The following GLYATL1 variants were observed in gnomAD, a reference collection of about 807,000 sequenced individuals.
The protein encoded by GLYATL1 is glycine-N-acyltransferase like 1.
A neutral mutation model predicts 20.0 loss-of-function variants in GLYATL1; 15 were observed. That is an observed-to-expected ratio of 0.75 (90% CI 0.50 to 1.15). The LOEUF (loss-of-function observed/expected upper bound fraction) is 1.15. Ranked by LOEUF, GLYATL1 falls within the 50% of genes most tolerant of loss-of-function variation. The probability of loss-of-function intolerance (pLI) is 0.00; values close to 1 mark genes in which losing one functional copy is unlikely to be tolerated. For missense variants in GLYATL1, 380 were observed against 368.5 expected, an observed-to-expected ratio of 1.03 and a Z score of -0.26; for synonymous variants, 151 against 131.5, an observed-to-expected ratio of 1.15 and a Z score of -1.01.
chr11:58,910,005 CAAT>C (rs1463006618), downstream of GLYATL1, among the ~76,000 whole-genome samples: 2 of 152,134 alleles, frequency 1.3e-5, no homozygotes, highest in Non-Finnish European at 2.9e-5. Context: ...TTTATTCTCC[CAAT>C]AATGAGTCTA....
At chr11:58,920,037 G>A (rs1005145331) in intron 1 of GLYATL1, among the ~76,000 whole-genome samples, 4 of 152,150 alleles carry the variant, frequency 2.6e-5, no homozygotes, top group African/African-American at 9.7e-5. Flanking sequence ...GGGTCTCCGG[G>A]AGGAGGATCT....
downstream of GLYATL1, among the ~76,000 whole-genome samples, chr11:58,909,197 T>C (rs138511663): frequency 2.6e-5 from 4 of 152,262 alleles, no homozygotes; most frequent in Admixed American, 6.5e-5. Flanking sequence ...AAATCTAAAA[T>C]TGTCAAACTC....
upstream of GLYATL1, among the ~76,000 whole-genome samples, chr11:58,923,105 T>G (rs980335246): frequency 5.9e-5 from 9 of 152,224 alleles, no homozygotes; most frequent in African/African-American, 2.2e-4. Context: ...CACAGCACAC[T>G]TGCTCAGACT....
chr11:58,918,665 A>G (rs1275434682), intron 1 of GLYATL1, among the ~76,000 whole-genome samples: 1 of 152,230 alleles, frequency 6.6e-6, no homozygotes, highest in Non-Finnish European at 1.5e-5. Flanking sequence ...TAATGGAAGT[A>G]TAATTAATAA....
intron 4 of GLYATL1, among the ~76,000 whole-genome samples, chr11:58,953,387 T>TA: frequency 7.7e-6 from 1 of 129,108 alleles, no homozygotes; most frequent in African/African-American, 2.8e-5. Flanking sequence ...TAGCTTACAG[T>TA]CTGTTTTTTT....
chr11:58,931,161 A>G (rs1179931240), intron 1 of GLYATL1, among the ~76,000 whole-genome samples: 2 of 152,204 alleles, frequency 1.3e-5, no homozygotes, highest in Admixed American at 1.3e-4. Flanking sequence ...TGTGAGGGAA[A>G]GATCTGTTCC....
At chr11:58,921,683 G>C (rs1190713840) in intron 1 of GLYATL1, among the ~76,000 whole-genome samples, 1 of 152,158 alleles carries the variant, frequency 6.6e-6, no homozygotes, top group Non-Finnish European at 1.5e-5. Context: ...TGCAAAGCCA[G>C]CTTCTCTTCC....
downstream of GLYATL1, among the ~76,000 whole-genome samples, chr11:58,911,862 T>A (rs1855052710): frequency 6.6e-6 from 1 of 152,268 alleles, no homozygotes; most frequent in Non-Finnish European, 1.5e-5. Flanking sequence ...TTGCGGATCA[T>A]GCTTTTGTTG....
At chr11:58,914,557 A>G (rs1855124962) in intron 1 of GLYATL1, among the ~76,000 whole-genome samples, 1 of 152,218 alleles carries the variant, frequency 6.6e-6, no homozygotes, top group Non-Finnish European at 1.5e-5. Context: ...TAGTACTTAC[A>G]TCGCATGATC....
chr11:58,945,361 A>C (rs1194373933), intron 2 of GLYATL1, among the ~76,000 whole-genome samples: 1 of 152,156 alleles, frequency 6.6e-6, no homozygotes, highest in African/African-American at 2.4e-5. Context: ...GGTAGATGTT[A>C]GAAGCTGAGG....
intron 1 of GLYATL1, among the ~76,000 whole-genome samples, chr11:58,932,016 G>A (rs977671029): frequency 7.6e-5 from 11 of 144,848 alleles, no homozygotes; most frequent in Admixed American, 7.2e-5. Context: ...GGAGGCTGAG[G>A]TGGGAAAATC....
At chr11:58,937,244 G>A (rs985964918), upstream of GLYATL1, among the ~76,000 whole-genome samples, 1 of 152,168 alleles carries the variant, frequency 6.6e-6, no homozygotes, top group Non-Finnish European at 1.5e-5. Context: ...TGAGTGTCCA[G>A]ATATGAAGAA....
chr11:58,918,552 GA>G (rs1855233993), intron 1 of GLYATL1, among the ~76,000 whole-genome samples: 1 of 152,164 alleles, frequency 6.6e-6, no homozygotes, highest in African/African-American at 2.4e-5. Flanking sequence ...TTATAGCATA[GA>G]TATGGTTGCC....
chr11:58,932,431 C>T (rs1855646553), intron 1 of GLYATL1, among the ~76,000 whole-genome samples: 1 of 152,110 alleles, frequency 6.6e-6, no homozygotes, highest in Non-Finnish European at 1.5e-5. Flanking sequence ...CTACTATTGC[C>T]TCATGTTTTC....
At chr11:58,918,151 T>C (rs1855222560) in intron 1 of GLYATL1, among the ~76,000 whole-genome samples, 1 of 152,198 alleles carries the variant, frequency 6.6e-6, no homozygotes, top group Non-Finnish European at 1.5e-5. Flanking sequence ...AGGACTTCTA[T>C]GGTTGATTGG....
chr11:58,933,830 C>G (rs1489884469), intron 1 of GLYATL1: 1 of 152,350 alleles, frequency 6.6e-6, no homozygotes, highest in Non-Finnish European at 1.5e-5. Context: ...AACTTGTTGC[C>G]AAAGTCCTCA....
chr11:58,943,762 T>A lies in GLYATL1; in HGVS notation c.-43+96T>A, dbSNP rs560802504. The stretch of plus-strand genomic sequence containing the variant: ...TTTCTGATCCAAACTGGGTTTGGAG[T>A]CACAACAGGAAACAGACTGGGTCTA... On this transcript the variant is annotated intron_variant, in intron 2 of 6. Coordinates refer to ENST00000532726, the MANE Select transcript of GLYATL1 (RefSeq NM_001389712.2). 245 of 1,526,986 alleles carry A rather than the reference T, an allele frequency of 1.6e-4. 2 individuals carry two copies. The highest frequency in any genetic ancestry group is 1.9e-5 in the Non-Finnish European group (22 of 1,134,154). 94.6% of individuals were successfully genotyped at this position (1,526,986 alleles called of 1,614,324 possible). A position where few individuals can be genotyped will look rare whatever the true frequency, so the allele number is the denominator to read the frequency against.
At chr11:58,929,987 C>T (rs1484180989) in intron 1 of GLYATL1, among the ~76,000 whole-genome samples, 1 of 152,174 alleles carries the variant, frequency 6.6e-6, no homozygotes, top group Non-Finnish European at 1.5e-5. Flanking sequence ...TGCTCAATGT[C>T]TTGGAAGCCA....
intron 4 of GLYATL1, among the ~76,000 whole-genome samples, chr11:58,951,408 T>G (rs1205983254): frequency 3.3e-5 from 5 of 152,128 alleles, no homozygotes; most frequent in Non-Finnish European, 5.9e-5. Flanking sequence ...GCTATTTCAT[T>G]GTTTCTGTGG....
Sources: allele counts gnomAD v4.1 joint callset (sites outside exome capture counted in the v4.1 genomes callset), GRCh38; gene constraint gnomAD v4.1.1; transcripts MANE v1.5; gene names NCBI Gene and HGNC (gene_info 2026-07-23, HGNC 2026-07-21).